Variants in GAK observed in about 807,000 individuals in gnomAD.
GAK encodes the protein cyclin G associated kinase, also known as cyclin-G-associated kinase.
A neutral mutation model predicts 143.9 loss-of-function variants in GAK; 79 were observed. That is an observed-to-expected ratio of 0.55 (90% CI 0.46 to 0.66). The LOEUF is 0.66. GAK is among the 30% of genes least tolerant of loss of function. GAK has a pLI of 0.00. For missense variants in GAK, 1,693 were observed against 1,779.7 expected, an observed-to-expected ratio of 0.95 and a Z score of 0.88; for synonymous variants, 881 against 765.5, an observed-to-expected ratio of 1.15 and a Z score of -2.49.
chr4:912,760 G>C lies in GAK; in HGVS notation c.242C>G (p.Ala81Gly), dbSNP rs750787180. The C allele has an allele frequency of 6.2e-7, 1 of 1,613,858 alleles. No individual in the cohort carries two copies. Among genetic ancestry groups the C allele is most frequent in the Non-Finnish European group, 8.5e-7 (1 of 1,179,828 alleles). ...CATGAAGCAAACTTCTTGAATGATG[G>C]CTCTGTTCTTTTCCTCTTCATTGGA... ...LLSNEEEKNR[A>G]IIQEVCFMKK... Residue 81 changes from alanine (A) to glycine (G), a missense_variant, in exon 3 of 28, where the codon GCC becomes GGC. Ala to Gly is a moderately conservative substitution (Grantham distance 60, BLOSUM62 0). Around this residue, in one of 2 missense-constraint regions of GAK, gnomAD observed 871 missense variants for 991.0 expected, o/e 0.88. Transcript: ENST00000314167.
chr4:925,056 T>C (rs925858743), intron 1 of GAK, among the ~76,000 whole-genome samples: 1 of 152,222 alleles, frequency 6.6e-6, no homozygotes, highest in African/African-American at 2.4e-5. Flanking sequence ...AACAAGACTC[T>C]ATCTCAAAAA....
At chr4:859,481 T>C (rs760305695) in intron 24 of GAK, 125 bp downstream of exon 24, 96 of 1,601,808 alleles carry the variant, frequency 6.0e-5, no homozygotes, top group Non-Finnish European at 1.4e-5. Context: ...CACTGTGCTC[T>C]GGGCTTGGGG....
rs1553889062 is a variant in GAK at position 902,605 on chromosome 4, A to AAACAAACAAAC, written c.525+2031_525+2032insGTTTGTTTGTT. On this transcript the variant is annotated intron_variant, in intron 5 of 27. Coordinates refer to ENST00000314167, the MANE Select transcript of GAK (RefSeq NM_005255.4). ...TGTAGAGTGACTGACTCAAAAAAAA[A>AAACAAACAAAC]AAAAAAAAACCCCAAAAAACCTCTT... Among the ~76,000 whole-genome samples the AAACAAACAAAC allele has an allele frequency of 1.0e-3, 132 of 130,384 alleles. 2 individuals are homozygous for AAACAAACAAAC. The highest frequency in any genetic ancestry group is 3.4e-3 in the African/African-American group (123 of 36,014). 85.5% of individuals were successfully genotyped at this position (130,384 alleles called of 152,430 possible). A position where few individuals can be genotyped will look rare whatever the true frequency, so the allele number is the denominator to read the frequency against.
At position 849,495 on chromosome 4, in the gene GAK, AG is replaced by A. The variant is rs1375732170; in HGVS notation, c.*177del. Reference sequence around the variant, plus strand: ...AGGAGAAAAAGGAAACAACAATCAGAGGCTTTGGAATGCTTTCTCTTCATGT... The same window carrying A: ...AGGAGAAAAAGGAAACAACAATCAGAGCTTTGGAATGCTTTCTCTTCATGT... On this transcript the variant is annotated 3_prime_UTR_variant, in exon 28 of 28. Transcript: ENST00000314167. 9 of 587,754 alleles carry A rather than the reference AG, an allele frequency of 1.5e-5. No individual in the cohort carries two copies. Among genetic ancestry groups the A allele is most frequent in the Non-Finnish European group, 2.8e-5 (9 of 323,116 alleles). 36.4% of individuals were successfully genotyped at this position (587,754 alleles called of 1,614,324 possible).
chr4:908,145 G>A (rs1020001899), intron 4 of GAK, among the ~76,000 whole-genome samples: 2 of 152,140 alleles, frequency 1.3e-5, no homozygotes, highest in African/African-American at 2.4e-5. Context: ...AATGACAAAC[G>A]AGGGAGATAA....
At chr4:851,612 C>T (rs1170722905) in intron 25 of GAK, 138 bp downstream of exon 25, 11 of 828,766 alleles carry the variant, frequency 1.3e-5, no homozygotes, top group East Asian at 2.6e-5. Context: ...CATCGGAAAC[C>T]GCGTCGTTCT....
chr4:890,491 G>A, intron 10 of GAK, 41 bp downstream of exon 10: 3 of 1,488,954 alleles, frequency 2.0e-6, no homozygotes, highest in Middle Eastern at 2.0e-4. Flanking sequence ...GGGTGCAGCA[G>A]GAGCGAGGGA....
chr4:894,363 A>G (rs1406083232), intron 7 of GAK: 48 of 140,186 alleles, frequency 3.4e-4, no homozygotes, highest in South Asian at 8.3e-4. Flanking sequence ...GTGACGTCGG[A>G]GCCGTGGGGA....
At chr4:850,778 G>A in intron 26 of GAK, 158 bp downstream of exon 26, 1 of 758,392 alleles carries the variant, frequency 1.3e-6, no homozygotes, top group East Asian at 3.0e-5. Flanking sequence ...GCAGTGACAG[G>A]TCCCTGTCTG....
intron 7 of GAK, among the ~76,000 whole-genome samples, chr4:895,172 T>C (rs1290558772): frequency 6.6e-6 from 1 of 152,112 alleles, no homozygotes; most frequent in Non-Finnish European, 1.5e-5. Flanking sequence ...ACTGACCCCA[T>C]ATGCAGGGTG....
At chr4:856,082 C>T (rs1037445434) in intron 24 of GAK, among the ~76,000 whole-genome samples, 4 of 152,198 alleles carry the variant, frequency 2.6e-5, no homozygotes, top group South Asian at 2.1e-4. Flanking sequence ...TGGGCTCAAG[C>T]GATCCAAGTG....
At chr4:866,326 G>C in intron 22 of GAK, 38 bp downstream of exon 22, 1 of 1,595,576 alleles carries the variant, frequency 6.3e-7, no homozygotes, top group African/African-American at 1.3e-5. Context: ...TGAGGGAGGC[G>C]GCCATGGAGA....
In GAK at chr4:877,523, G is replaced by T. The variant is rs532704650; in HGVS notation, c.1856+92C>A. On this transcript the variant is annotated intron_variant, in intron 16 of 27. Transcript: ENST00000314167. ...TCCAAACACGTCCGCCTCAGCAAGCGCCTGTCCCCGGCAAGGCCAGGGTTC... is the reference window on the plus strand; with the variant it reads ...TCCAAACACGTCCGCCTCAGCAAGCTCCTGTCCCCGGCAAGGCCAGGGTTC... 23 of 1,335,884 alleles carry T rather than the reference G, an allele frequency of 1.7e-5. No individual in the cohort carries two copies. In the African/African-American group the frequency reaches 2.9e-4, roughly 17 times the overall value. 82.8% of individuals were successfully genotyped at this position (1,335,884 alleles called of 1,614,324 possible). A position where few individuals can be genotyped will look rare whatever the true frequency, so the allele number is the denominator to read the frequency against.
chr4:859,313 C>T (rs573418072), intron 24 of GAK: 71 of 1,342,102 alleles, frequency 5.3e-5, no homozygotes, highest in African/African-American at 5.3e-4. Context: ...GCAGAGACCC[C>T]GCCTCCCCGA....
At chr4:876,077 G>C (rs1427800789) in intron 18 of GAK, among the ~76,000 whole-genome samples, 5 of 152,256 alleles carry the variant, frequency 3.3e-5, no homozygotes, top group African/African-American at 7.2e-5. Context: ...AGGACAGAGA[G>C]CTAACAGGTG....
At chr4:914,420 C>A (rs1722660418) in intron 1 of GAK, among the ~76,000 whole-genome samples, 1 of 101,740 alleles carries the variant, frequency 9.8e-6, no homozygotes, top group Non-Finnish European at 1.9e-5. Context: ...GCCCCACACA[C>A]ACACAGCCCC....
Position 888,943 on chromosome 4 carries a change from G to T in GAK, c.1109C>A (p.Pro370Gln), listed in dbSNP as rs138522060. 1 of 1,611,942 alleles carries T rather than the reference G, an allele frequency of 6.2e-7. No homozygotes were observed. The highest frequency in any genetic ancestry group is 1.7e-5 in the Admixed American group (1 of 59,934). Residue 370 changes from proline to glutamine, a missense_variant, in exon 11 of 28, where the codon CCG becomes CAG. This residue lies in a region of GAK where 871 missense variants were observed against 991.0 expected (regional missense o/e 0.88). Coordinates refer to ENST00000314167, the MANE Select transcript of GAK (RefSeq NM_005255.4). Reference sequence around the variant, plus strand: ...CAGAATGTCCAGGAAGCCGCCATACGGCTGGTCGTACTCCGCCAGCGCCAG... The same window carrying T: ...CAGAATGTCCAGGAAGCCGCCATACTGCTGGTCGTACTCCGCCAGCGCCAG... The part of the protein sequence containing the change: ...GGLALAEYDQ[P>Q]YGGFLDILRG...
chr4:917,189 C>G (rs1432459255), intron 1 of GAK, among the ~76,000 whole-genome samples: 2 of 152,190 alleles, frequency 1.3e-5, no homozygotes, highest in Non-Finnish European at 2.9e-5. Context: ...ACAGAAAACT[C>G]CAGAAAACGC....
chr4:906,014 G>A (rs539339865), intron 4 of GAK, among the ~76,000 whole-genome samples: 6 of 152,362 alleles, frequency 3.9e-5, no homozygotes, highest in South Asian at 4.1e-4. Context: ...AGCAACAACC[G>A]CGTCAGCATC....
Sources: allele counts gnomAD v4.1 joint callset (sites outside exome capture counted in the v4.1 genomes callset), GRCh38; gene constraint gnomAD v4.1.1; regional missense constraint gnomAD v4.1.1; transcripts MANE v1.5; gene names NCBI Gene and HGNC (gene_info 2026-07-23, HGNC 2026-07-21).